The following TAFA1 variants were observed in gnomAD, a reference collection of about 807,000 sequenced individuals.
The protein encoded by TAFA1 is TAFA chemokine like family member 1, also known as chemokine-like protein TAFA-1.
In TAFA1, 4 loss-of-function variants were observed where a neutral mutation model predicts 18.5. That is an observed-to-expected ratio of 0.22 (90% CI 0.11 to 0.49). The LOEUF is 0.49. TAFA1 is among the 20% of genes least tolerant of loss of function. The probability of loss-of-function intolerance (pLI) is 0.98; values close to 1 mark genes in which losing one functional copy is unlikely to be tolerated. For missense variants in TAFA1, 147 were observed against 169.0 expected (o/e 0.87, Z 0.72); for synonymous variants, 56 against 55.2 (o/e 1.01, Z -0.06).
At chr3:68,050,234 G>A (rs2064451895) in intron 2 of TAFA1, among the ~76,000 whole-genome samples, 1 of 152,136 alleles carries the variant, frequency 6.6e-6, no homozygotes, top group East Asian at 1.9e-4. Flanking sequence ...GGATGTATTA[G>A]TAAAGCAGTT....
At chr3:68,265,566 GA>G (rs1338769555) in intron 2 of TAFA1, among the ~76,000 whole-genome samples, 2 of 152,202 alleles carry the variant, frequency 1.3e-5, no homozygotes, top group African/African-American at 2.4e-5. Flanking sequence ...CCCACTAGGG[GA>G]AGGAACTTTT....
rs766812262 is a variant in TAFA1 at position 68,417,312 on chromosome 3, C to T, written c.151C>T (p.Arg51Ter). 6.2e-7 allele frequency: 1 copy of T among 1,613,060 alleles called. No individual in the cohort carries two copies. Among genetic ancestry groups the T allele is most frequent in the Non-Finnish European group, 8.5e-7 (1 of 1,179,494 alleles). ...GACGTGTGAAGTGATAGCAGCACAC[C>T]GATGTTGTAACAAGAATCGCATTGA... ...GGTCEVIAAH[R>*]CCNKNRIEER... The change falls in exon 3 of 5, where the codon CGA (arginine) becomes TGA (stop). Residue 51 changes from arginine to a stop codon, truncating the protein, a stop_gained. Coordinates refer to ENST00000478136, the MANE Select transcript of TAFA1 (RefSeq NM_213609.4). LOFTEE classifies it high-confidence loss of function.
At chr3:68,083,799 T>C (rs1366764385) in intron 2 of TAFA1, among the ~76,000 whole-genome samples, 2 of 152,202 alleles carry the variant, frequency 1.3e-5, no homozygotes, top group African/African-American at 4.8e-5. Context: ...TTGATATTTT[T>C]TTTTTCTCTC....
chr3:68,371,139 C>A (rs190067859), intron 2 of TAFA1, among the ~76,000 whole-genome samples: 31 of 152,214 alleles, frequency 2.0e-4, no homozygotes, highest in Admixed American at 1.8e-3. Context: ...CATGGGTCCA[C>A]TCTTATTATA....
intron 2 of TAFA1, among the ~76,000 whole-genome samples, chr3:68,050,845 T>C (rs976150122): frequency 6.6e-6 from 1 of 152,162 alleles, no homozygotes; most frequent in Non-Finnish European, 1.5e-5. Flanking sequence ...AGTAAATGAA[T>C]GGTTGTGGCT....
chr3:68,305,168 T>C (rs2068380414), intron 2 of TAFA1, among the ~76,000 whole-genome samples: 1 of 151,792 alleles, frequency 6.6e-6, no homozygotes, highest in Non-Finnish European at 1.5e-5. Context: ...TTATTCCTTG[T>C]CTTTCAGGTG....
chr3:68,258,635 A>G (rs762721977), intron 2 of TAFA1, among the ~76,000 whole-genome samples: 9 of 152,170 alleles, frequency 5.9e-5, no homozygotes, highest in Non-Finnish European at 1.2e-4. Context: ...GCCACAGCAA[A>G]AGAAAGATCA....
intron 2 of TAFA1, among the ~76,000 whole-genome samples, chr3:68,385,845 G>A (rs1358760312): frequency 6.6e-6 from 1 of 152,000 alleles, no homozygotes; most frequent in African/African-American, 2.4e-5. Flanking sequence ...ATATAGTGAT[G>A]TTTTGATACA....
intron 2 of TAFA1, among the ~76,000 whole-genome samples, chr3:68,405,786 C>G (rs1000319961): frequency 3.4e-5 from 5 of 148,700 alleles, no homozygotes; most frequent in African/African-American, 1.2e-4. Flanking sequence ...GTTAGGCCCC[C>G]CACCACTGCA....
chr3:68,174,862 G>A (rs1205182827), intron 2 of TAFA1, among the ~76,000 whole-genome samples: 3 of 152,208 alleles, frequency 2.0e-5, no homozygotes. Flanking sequence ...GTATGTCAGA[G>A]GTCTTCATGG....
chr3:68,081,744 C>T (rs2064903452), intron 2 of TAFA1, among the ~76,000 whole-genome samples: 2 of 152,212 alleles, frequency 1.3e-5, no homozygotes, highest in Non-Finnish European at 1.5e-5. Flanking sequence ...TTTAAGTCTG[C>T]AGAGGTTACT....
Position 68,508,607 on chromosome 3 carries a change from C to G in TAFA1, c.260-30149C>G, listed in dbSNP as rs562175820. Among the ~76,000 whole-genome samples, 5 of 152,108 alleles carry G rather than the reference C, an allele frequency of 3.3e-5. 2 individuals carry two copies. The highest frequency in any genetic ancestry group is 1.2e-4 in the African/African-American group (5 of 41,530). On this transcript the variant is annotated intron_variant, in intron 3 of 4. Transcript: ENST00000478136. ...TGGCTCCTCTGTGCTAAAAACAATC[C>G]TACATATCTGAGATGCATGCACAAA... is the stretch of plus-strand genomic sequence containing the variant.
intron 3 of TAFA1, among the ~76,000 whole-genome samples, chr3:68,521,856 GTTTTTT>G (rs57372768): frequency 2.8e-5 from 2 of 70,848 alleles, no homozygotes; most frequent in South Asian, 7.5e-4. Context: ...GTTTTTTTCT[GTTTTTT>G]TTTTTTTTTT....
intron 2 of TAFA1, among the ~76,000 whole-genome samples, chr3:68,146,772 GA>G (rs903922753): frequency 6.6e-6 from 1 of 152,150 alleles, no homozygotes; most frequent in Non-Finnish European, 1.5e-5. Context: ...GTAAGCATAG[GA>G]AATTCTAACA....
intron 3 of TAFA1, among the ~76,000 whole-genome samples, chr3:68,451,485 G>A (rs908761992): frequency 2.6e-5 from 4 of 152,118 alleles, no homozygotes; most frequent in African/African-American, 7.2e-5. Flanking sequence ...GAAAGAGATG[G>A]TGCTGAAGAC....
At chr3:68,238,895 G>A (rs1004847012) in intron 2 of TAFA1, among the ~76,000 whole-genome samples, 1 of 152,062 alleles carries the variant, frequency 6.6e-6, no homozygotes, top group African/African-American at 2.4e-5. Context: ...TCAATATTTA[G>A]GTTTGAAACT....
Position 68,006,684 on chromosome 3 carries a change from A to G in TAFA1, c.58A>G (p.Met20Val), listed in dbSNP as rs1297779511. ...VLYLWISACAMLLCHGSLQHT... is the reference protein window; with the variant it reads ...VLYLWISACAVLLCHGSLQHT... ...GTATTTGTGGATAAGTGCTTGTGCA[A>G]TGCTACTCTGCCATGGATCCCTTCA... Residue 20 changes from methionine to valine, a missense_variant, in exon 2 of 5, where the codon ATG becomes GTG. Physicochemically the swap from Met to Val is conservative, Grantham distance 21. Coordinates refer to ENST00000478136, the MANE Select transcript of TAFA1 (RefSeq NM_213609.4). 1.9e-6 allele frequency: 3 copies of G among 1,613,916 alleles called. No individual in the cohort carries two copies. The highest frequency in any genetic ancestry group is 1.7e-5 in the Admixed American group (1 of 60,010).
chr3:68,271,400 T>A (rs1357267444), intron 2 of TAFA1, among the ~76,000 whole-genome samples: 2 of 152,108 alleles, frequency 1.3e-5, no homozygotes, highest in African/African-American at 2.4e-5. Flanking sequence ...CCACCTCTAA[T>A]TGGCCAGGCC....
chr3:68,459,193 G>A (rs2221757), intron 3 of TAFA1, among the ~76,000 whole-genome samples: 59,946 of 152,010 alleles, frequency 0.39, 12,574 homozygotes, highest in Non-Finnish European at 0.44. Flanking sequence ...AATTCCCATT[G>A]CAGGAGCTGA....
Sources: allele counts gnomAD v4.1 joint callset (sites outside exome capture counted in the v4.1 genomes callset), GRCh38; gene constraint gnomAD v4.1.1; transcripts MANE v1.5; gene names NCBI Gene and HGNC (gene_info 2026-07-23, HGNC 2026-07-21).